KAZN: variants seen among roughly 807,000 people sequenced by gnomAD.
The protein encoded by KAZN is kazrin.
A neutral mutation model predicts 87.4 loss-of-function variants in KAZN; 40 were observed. That is an observed-to-expected ratio of 0.46 (90% CI 0.36 to 0.60). The LOEUF is 0.60. Ranked by LOEUF, KAZN falls within the 20% of genes least tolerant of loss-of-function variation. KAZN has a pLI of 0.00. For missense variants in KAZN, 898 were observed against 1,073.9 expected, an observed-to-expected ratio of 0.84 and a Z score of 2.29; for synonymous variants, 466 against 458.3, an observed-to-expected ratio of 1.02 and a Z score of -0.22.
chr1:14,679,409 G>T (rs981463900), intron 1 of KAZN, among the ~76,000 whole-genome samples: 1 of 152,090 alleles, frequency 6.6e-6, no homozygotes, highest in Non-Finnish European at 1.5e-5. Context: ...TGAATGCCTG[G>T]CCCTGGGGTG....
At chr1:14,475,582 G>A (rs572646457) in intron 2 of KAZN, among the ~76,000 whole-genome samples, 1 of 152,276 alleles carries the variant, frequency 6.6e-6, no homozygotes, top group Non-Finnish European at 1.5e-5. Context: ...TATATCAAAT[G>A]TTTAGATTTT....
At chr1:15,041,095 C>T (rs12141524) in intron 3 of KAZN, among the ~76,000 whole-genome samples, 32,245 of 150,976 alleles carry the variant, frequency 0.21, 3,671 homozygotes, top group Non-Finnish European at 0.26. Context: ...AGAATACAAG[C>T]GCATGCCACC....
At chr1:14,312,694 A>T (rs566003343) in intron 2 of KAZN, among the ~76,000 whole-genome samples, 2 of 152,086 alleles carry the variant, frequency 1.3e-5, no homozygotes, top group Admixed American at 6.6e-5. Flanking sequence ...AAGTGATGAG[A>T]TATCACTTGA....
At chr1:14,640,791 A>C (rs1680357292) in intron 1 of KAZN, among the ~76,000 whole-genome samples, 1 of 151,696 alleles carries the variant, frequency 6.6e-6, no homozygotes, top group Admixed American at 6.6e-5. Flanking sequence ...CCATCCCCTC[A>C]CCTCTGACCC....
At chr1:14,386,199 A>G (rs1229126239) in intron 2 of KAZN, among the ~76,000 whole-genome samples, 73 of 146,256 alleles carry the variant, frequency 5.0e-4, no homozygotes, top group African/African-American at 1.6e-3. Flanking sequence ...TTTTGAGCCT[A>G]TGTGTGTCTC....
At chr1:14,680,785 G>A (rs1196506983) in intron 1 of KAZN, among the ~76,000 whole-genome samples, 26 of 152,166 alleles carry the variant, frequency 1.7e-4, no homozygotes, top group Admixed American at 1.6e-3. Flanking sequence ...CATTCATTTT[G>A]TAGCTGAGGA....
intron 2 of KAZN, among the ~76,000 whole-genome samples, chr1:15,020,707 C>G (rs1319831967): frequency 6.6e-6 from 1 of 152,278 alleles, no homozygotes; most frequent in Middle Eastern, 3.4e-3. Context: ...TAGTTTGGAG[C>G]TTTTACAAAT....
At chr1:14,237,927 T>C (rs901599684) in intron 2 of KAZN, among the ~76,000 whole-genome samples, 10 of 152,210 alleles carry the variant, frequency 6.6e-5, no homozygotes, top group Non-Finnish European at 1.3e-4. Flanking sequence ...TTCCAATTTA[T>C]AAAATCAGGT....
In KAZN at chr1:14,735,529, G is replaced by A. The variant is rs773788837; in HGVS notation, c.226+136306G>A. On this transcript the variant is annotated intron_variant, in intron 1 of 14. Transcript: ENST00000376030. The surrounding 1 kb of genome is among the most constrained non-coding windows in gnomAD (Gnocchi z 4.3). ...AAGCCTGAGTGTCAAAGCCTCGCTG[G>A]TAGCCAGGCTCAGAGAGAATGTGCT... 2.0e-5 allele frequency among the ~76,000 whole-genome samples: 3 copies of A among 152,138 alleles called. No individual in the cohort carries two copies. Among genetic ancestry groups the A allele is most frequent in the Non-Finnish European group, 4.4e-5 (3 of 68,028 alleles).
intron 2 of KAZN, among the ~76,000 whole-genome samples, chr1:14,426,659 G>A (rs944427932): frequency 1.3e-5 from 2 of 152,168 alleles, no homozygotes; most frequent in African/African-American, 2.4e-5. Flanking sequence ...TGAGACTTCT[G>A]TGCTTAAGCC....
intron 2 of KAZN, among the ~76,000 whole-genome samples, chr1:14,374,074 C>T (rs546476229): frequency 1.3e-5 from 2 of 152,300 alleles, no homozygotes; most frequent in East Asian, 1.9e-4. Flanking sequence ...TGATAATTAG[C>T]TACTCTCCTG....
At chr1:14,745,262 G>GAAAAAAAAAAAAAAAAAGA (rs528235060) in intron 1 of KAZN, among the ~76,000 whole-genome samples, 1 of 99,362 alleles carries the variant, frequency 1.0e-5, no homozygotes. Context: ...AGAAAAAAAG[G>GAAAAAAAAAAAAAAAAAGA]AAAAAAAAAA....
intron 1 of KAZN, among the ~76,000 whole-genome samples, chr1:14,728,035 C>T (rs954470158): frequency 2.6e-5 from 4 of 151,902 alleles, no homozygotes; most frequent in African/African-American, 9.6e-5. Flanking sequence ...CCTGTAATCC[C>T]AGCACTTTGG....
In KAZN at chr1:13,999,607, A is replaced by G. The variant is rs149575900; in HGVS notation, c.91+105851A>G. The stretch of plus-strand genomic sequence containing the variant: ...TATATGCCCACATCAGAAAGCTAGA[A>G]AGATCTCAAATCAACCCTAACATCA... On this transcript the variant is annotated intron_variant, in intron 1 of 16. Transcript: ENST00000636203. Among the ~76,000 whole-genome samples, 231 of 152,336 alleles carry G rather than the reference A, an allele frequency of 1.5e-3. 1 individual carries two copies. Among genetic ancestry groups the G allele is most frequent in the Middle Eastern group, 6.8e-3 (2 of 294 alleles).
At chr1:15,003,962 G>C (rs1427547174) in intron 2 of KAZN, among the ~76,000 whole-genome samples, 2 of 152,160 alleles carry the variant, frequency 1.3e-5, no homozygotes, top group Non-Finnish European at 2.9e-5. Flanking sequence ...GCTGGGGGAA[G>C]CATAAAACCG....
intron 2 of KAZN, among the ~76,000 whole-genome samples, chr1:14,989,501 G>C (rs902012565): frequency 6.6e-6 from 1 of 152,124 alleles, no homozygotes; most frequent in Admixed American, 6.6e-5. Context: ...AAAAAGGACT[G>C]TCACTTGTCT....
At chr1:14,229,073 G>C (rs1398662445) in intron 2 of KAZN, among the ~76,000 whole-genome samples, 2 of 152,162 alleles carry the variant, frequency 1.3e-5, no homozygotes, top group African/African-American at 4.8e-5. Flanking sequence ...CTACTAATGA[G>C]GTGCCTTCAT....
chr1:14,392,123 A>T (rs192624322), intron 2 of KAZN, among the ~76,000 whole-genome samples: 1 of 152,208 alleles, frequency 6.6e-6, no homozygotes, highest in Non-Finnish European at 1.5e-5. Context: ...GTGAAAGCCA[A>T]AGGTGATAGC....
At chr1:14,326,804 T>C (rs1408063398) in intron 2 of KAZN, among the ~76,000 whole-genome samples, 1 of 152,180 alleles carries the variant, frequency 6.6e-6, no homozygotes, top group Admixed American at 6.5e-5. Flanking sequence ...TCGCTTCTTT[T>C]AGGAGTCTGT....
Sources: gnomAD v4.1 joint callset for allele counts (sites outside exome capture counted in the v4.1 genomes callset) on GRCh38, gnomAD v4.1.1 for gene constraint, Gnocchi (gnomAD v3.1) non-coding constraint, MANE v1.5 for transcripts, NCBI Gene and HGNC (gene_info 2026-07-23, HGNC 2026-07-21) for gene names.